The following CCDC91 variants were observed in gnomAD, a reference collection of about 807,000 sequenced individuals.
The protein encoded by CCDC91 is coiled-coil domain containing 91, also known as coiled-coil domain-containing protein 91.
A neutral mutation model predicts 63.2 loss-of-function variants in CCDC91; 48 were observed. The observed-to-expected ratio is 0.76, with a 90% CI of 0.60 to 0.97. CCDC91 has a LOEUF of 0.97. Among genes scored for constraint, CCDC91 ranks in the 50% least tolerant of loss-of-function variants. CCDC91 has a pLI of 0.00. For synonymous variants in CCDC91, 167 were observed against 165.8 expected (o/e 1.01, Z -0.06); for missense variants, 500 against 494.6 (o/e 1.01, Z -0.10).
chr12:28,278,929 C>A (rs1285182038), intron 3 of CCDC91, among the ~76,000 whole-genome samples: 1 of 151,880 alleles, frequency 6.6e-6, no homozygotes, highest in African/African-American at 2.4e-5. Flanking sequence ...TGCACATATA[C>A]ATGCATACAT....
intron 11 of CCDC91, among the ~76,000 whole-genome samples, chr12:28,467,746 A>G (rs1243894183): frequency 1.3e-5 from 2 of 152,232 alleles, no homozygotes; most frequent in East Asian, 1.9e-4. Context: ...TAACAATTTG[A>G]ATAATATCAA....
intron 11 of CCDC91, among the ~76,000 whole-genome samples, chr12:28,474,501 A>G (rs1950980915): frequency 1.3e-5 from 2 of 152,094 alleles, no homozygotes. Flanking sequence ...TGCTGATCCC[A>G]GGTCTACATA....
At chr12:28,271,521 A>G (rs192425278) in intron 3 of CCDC91, among the ~76,000 whole-genome samples, 86 of 152,124 alleles carry the variant, frequency 5.7e-4, no homozygotes, top group Non-Finnish European at 9.9e-4. Flanking sequence ...TTTAAAAAGT[A>G]TTTCGTAATT....
Position 28,306,892 on chromosome 12 carries a change from A to G in CCDC91, c.418A>G (p.Ser140Gly), listed in dbSNP as rs374805167. Residue 140 changes from serine (S) to glycine (G), a missense_variant, in exon 5 of 13, where the codon AGT becomes GGT. By Grantham distance (56) the Ser-to-Gly change is moderately conservative. Transcript: ENST00000536442. ...SNIQLQQKIS[S>G]LEIKLKVSEE... ...CATACAGCTTCAGCAAAAAATTTCA[A>G]GTCTGGAGATTAAACTCAAAGTATC... is the stretch of plus-strand genomic sequence containing the variant. 1.2e-5 allele frequency: 19 copies of G among 1,612,024 alleles called. No individual in the cohort carries two copies. Among genetic ancestry groups the G allele is most frequent in the East Asian group, 1.1e-4 (5 of 44,756 alleles).
rs1372323976 is a variant in CCDC91 at position 28,380,979 on chromosome 12, T to TA, written c.655-10324dup. 2.6e-5 allele frequency among the ~76,000 whole-genome samples: 4 copies of TA among 152,234 alleles called. No individual in the cohort carries two copies. The East Asian group carries it at 7.7e-4, about 29-fold the overall frequency. The stretch of plus-strand genomic sequence containing the variant: ...GTGAAAGGCCACACAATATAGTTGT[T>TA]ACAGGCAAGGGAGATAAACTGATGA... On this transcript the variant is annotated intron_variant, in intron 7 of 12. Coordinates refer to ENST00000536442, the MANE Select transcript of CCDC91 (RefSeq NM_018318.5).
At chr12:28,263,566 G>T (rs977154502) in intron 3 of CCDC91, among the ~76,000 whole-genome samples, 1 of 151,920 alleles carries the variant, frequency 6.6e-6, no homozygotes, top group Non-Finnish European at 1.5e-5. Context: ...TGCCTATATA[G>T]ACCACATTTT....
At chr12:28,448,061 A>G (rs1949622622) in intron 8 of CCDC91, among the ~76,000 whole-genome samples, 1 of 152,124 alleles carries the variant, frequency 6.6e-6, no homozygotes, top group South Asian at 2.1e-4. Flanking sequence ...GTAGCTTTTA[A>G]TTACTATAGG....
At chr12:28,537,435 A>T (rs979776682) in intron 12 of CCDC91, among the ~76,000 whole-genome samples, 2 of 152,128 alleles carry the variant, frequency 1.3e-5, no homozygotes, top group African/African-American at 4.8e-5. Flanking sequence ...TCATTTATTT[A>T]GTATTTTGAG....
At chr12:28,540,533 G>C (rs959558538) in intron 12 of CCDC91, among the ~76,000 whole-genome samples, 1 of 152,128 alleles carries the variant, frequency 6.6e-6, no homozygotes, top group Admixed American at 6.6e-5. Flanking sequence ...AGAAGGCAGC[G>C]TAGTATTGTG....
At chr12:28,542,592 A>G (rs1169054290) in intron 12 of CCDC91, among the ~76,000 whole-genome samples, 1 of 152,102 alleles carries the variant, frequency 6.6e-6, no homozygotes, top group Non-Finnish European at 1.5e-5. Flanking sequence ...AAGTTAAGGC[A>G]CCCAGCACTG....
rs184047477 is a variant in CCDC91 at position 28,294,427 on chromosome 12, G to T, written c.110-11222G>T. Among the ~76,000 whole-genome samples the T allele has an allele frequency of 2.0e-5, 3 of 152,156 alleles. No homozygotes were observed. In the East Asian group the frequency reaches 5.8e-4, roughly 29 times the overall value. On this transcript the variant is annotated intron_variant, in intron 3 of 12. Transcript: ENST00000536442. ...TTCTTGTGGTAATGAGTTCTCACAG[G>T]ATCTTCTGGTTTGAAAGTGTCGCCC...
intron 8 of CCDC91, among the ~76,000 whole-genome samples, chr12:28,393,381 T>A (rs1946073169): frequency 7.1e-6 from 1 of 141,474 alleles, no homozygotes; most frequent in Admixed American, 7.7e-5. Flanking sequence ...TTTTTGAAAT[T>A]TTTTTTTTTT....
intron 8 of CCDC91, among the ~76,000 whole-genome samples, chr12:28,439,494 C>T (rs532108794): frequency 1.3e-5 from 2 of 152,102 alleles, no homozygotes; most frequent in African/African-American, 4.8e-5. Flanking sequence ...ATAAGATGCT[C>T]ATGAGTTTCT....
At chr12:28,449,092 T>A (rs2140316755) in intron 8 of CCDC91, among the ~76,000 whole-genome samples, 1 of 152,208 alleles carries the variant, frequency 6.6e-6, no homozygotes, top group African/African-American at 2.4e-5. Flanking sequence ...AAAACACATC[T>A]TTCATGTGAT....
At chr12:28,411,010 A>G (rs938914873) in intron 8 of CCDC91, among the ~76,000 whole-genome samples, 6 of 152,014 alleles carry the variant, frequency 3.9e-5, no homozygotes, top group African/African-American at 7.2e-5. Context: ...CTTATCATCT[A>G]TATGTCTTTG....
chr12:28,516,530 A>G (rs1939965304), intron 12 of CCDC91, among the ~76,000 whole-genome samples: 1 of 151,908 alleles, frequency 6.6e-6, no homozygotes, highest in Non-Finnish European at 1.5e-5. Flanking sequence ...TTGAGCCCTG[A>G]GAGTCAGAGG....
At chr12:28,473,613 C>T (rs1297443491) in intron 11 of CCDC91, among the ~76,000 whole-genome samples, 1 of 152,058 alleles carries the variant, frequency 6.6e-6, no homozygotes, top group African/African-American at 2.4e-5. Context: ...TATAGTTGTT[C>T]CATGCAGACT....
At chr12:28,417,276 A>G (rs1004790864) in intron 8 of CCDC91, among the ~76,000 whole-genome samples, 14 of 151,998 alleles carry the variant, frequency 9.2e-5, no homozygotes, top group African/African-American at 3.4e-4. Context: ...CTTTGCATGC[A>G]GTAACATTTG....
chr12:28,463,345 C>G (rs934275755), intron 11 of CCDC91, among the ~76,000 whole-genome samples: 1 of 152,082 alleles, frequency 6.6e-6, no homozygotes, highest in Non-Finnish European at 1.5e-5. Context: ...ACATTGAAGT[C>G]AAAGAGACAA....
Sources: allele counts gnomAD v4.1 joint callset (sites outside exome capture counted in the v4.1 genomes callset), GRCh38; gene constraint gnomAD v4.1.1; transcripts MANE v1.5; gene names NCBI Gene and HGNC (gene_info 2026-07-23, HGNC 2026-07-21).